The following SAMD12 variants were observed in gnomAD, a reference collection of about 807,000 sequenced individuals.
SAMD12 encodes the protein sterile alpha motif domain containing 12.
Under a neutral mutation model 15.0 loss-of-function variants are expected in SAMD12, and 9 were observed. The observed-to-expected ratio is 0.60, with a 90% CI of 0.36 to 1.05. The LOEUF is 1.05. Among genes scored for constraint, SAMD12 ranks in the 50% least tolerant of loss-of-function variants. SAMD12 has a pLI of 0.01. For synonymous variants in SAMD12, 86 were observed against 90.1 expected (o/e 0.96, Z 0.25); for missense variants, 230 against 234.2 (o/e 0.98, Z 0.12).
intron 2 of SAMD12, among the ~76,000 whole-genome samples, chr8:118,520,404 AC>A (rs1397723154): frequency 6.6e-6 from 1 of 152,176 alleles, no homozygotes; most frequent in Non-Finnish European, 1.5e-5. Context: ...CATAGCCATT[AC>A]TTCTGTCAGG....
chr8:118,587,654 T>C (rs1385151367), intron 1 of SAMD12, among the ~76,000 whole-genome samples: 2 of 152,204 alleles, frequency 1.3e-5, no homozygotes, highest in Non-Finnish European at 2.9e-5. Flanking sequence ...TATCTAGAAC[T>C]GCTACAGTAC....
At chr8:118,404,207 C>A (rs1211168289) in intron 3 of SAMD12, among the ~76,000 whole-genome samples, 2 of 152,150 alleles carry the variant, frequency 1.3e-5, no homozygotes, top group Non-Finnish European at 1.5e-5. Context: ...TGGTCTAGAA[C>A]TCCTGGGCTC....
chr8:118,620,186 T>C (rs1005596018), intron 1 of SAMD12, among the ~76,000 whole-genome samples: 1 of 152,058 alleles, frequency 6.6e-6, no homozygotes, highest in African/African-American at 2.4e-5. Context: ...TCGAGAACAG[T>C]GTGGACTAGC....
chr8:118,172,888 C>A, the SAMD12 span, among the ~76,000 whole-genome samples: 264 of 152,282 alleles, frequency 1.7e-3, no homozygotes, highest in African/African-American at 6.1e-3. Flanking sequence ...ACCATTTGAA[C>A]AACAACTCCC....
At chr8:118,215,464 G>GCTTT (rs767704538) in intron 4 of SAMD12, among the ~76,000 whole-genome samples, 87 of 101,854 alleles carry the variant, frequency 8.5e-4, no homozygotes, top group African/African-American at 1.8e-3. Flanking sequence ...GTCATTGAGT[G>GCTTT]CTTTTTTTTT....
intron 2 of SAMD12, among the ~76,000 whole-genome samples, chr8:118,445,684 T>C (rs896362917): frequency 2.0e-5 from 3 of 152,198 alleles, no homozygotes; most frequent in South Asian, 4.1e-4. Flanking sequence ...ATTAAATGCG[T>C]ATAGTGTTAT....
chr8:118,595,097 A>T (rs574984253), intron 1 of SAMD12, among the ~76,000 whole-genome samples: 1 of 152,266 alleles, frequency 6.6e-6, no homozygotes, highest in South Asian at 2.1e-4. Context: ...CACATATCCC[A>T]TATCCCTCAT....
At chr8:118,398,871 TG>T (rs1186727451) in intron 3 of SAMD12, among the ~76,000 whole-genome samples, 6 of 151,746 alleles carry the variant, frequency 4.0e-5, no homozygotes, top group Non-Finnish European at 8.8e-5. Context: ...TCCATAAAGC[TG>T]TTTTTTTTGT....
chr8:118,621,632 CGCCTACTG>C, intron 1 of SAMD12, 164 bp downstream of exon 1: 1 of 687,800 alleles, frequency 1.5e-6, no homozygotes, highest in Non-Finnish European at 2.6e-6. Flanking sequence ...TGAATTAAAG[CGCCTACTG>C]GCCTTGGCGG....
intron 4 of SAMD12, among the ~76,000 whole-genome samples, chr8:118,348,636 T>G (rs1321701094): frequency 6.6e-6 from 1 of 152,174 alleles, no homozygotes; most frequent in East Asian, 1.9e-4. Context: ...CCTCCTGAAG[T>G]GCTGGGATTA....
chr8:118,617,369 G>T (rs536080351), intron 1 of SAMD12, among the ~76,000 whole-genome samples: 20 of 152,304 alleles, frequency 1.3e-4, no homozygotes, highest in African/African-American at 4.6e-4. Context: ...TTGGTGATGT[G>T]TAGTTTCTTC....
intron 2 of SAMD12, among the ~76,000 whole-genome samples, chr8:118,517,422 T>C (rs973396663): frequency 1.3e-5 from 2 of 152,146 alleles, no homozygotes; most frequent in African/African-American, 4.8e-5. Flanking sequence ...CAGCTGGAGA[T>C]TGGTTTAAAG....
At chr8:118,520,772 T>G (rs1264844279) in intron 2 of SAMD12, among the ~76,000 whole-genome samples, 1 of 152,184 alleles carries the variant, frequency 6.6e-6, no homozygotes. Flanking sequence ...AATTTACTGT[T>G]TCCTATACAA....
At chr8:118,152,759 A>G in the SAMD12 span, among the ~76,000 whole-genome samples, 1 of 152,100 alleles carries the variant, frequency 6.6e-6, no homozygotes, top group African/African-American at 2.4e-5. Flanking sequence ...TCGGCCTCCC[A>G]CAGTGCTGGG....
chr8:118,291,757 C>T lies in SAMD12; in HGVS notation c.433+87803G>A, dbSNP rs546537816. Among the ~76,000 whole-genome samples, 53 of 151,626 alleles carry T rather than the reference C, an allele frequency of 3.5e-4. 1 individual carries two copies. The highest frequency in any genetic ancestry group is 1.1e-3 in the African/African-American group (47 of 41,450). ...ACCCATGTAAACTGTCATGTGTTTT[C>T]TCGGTTGAAGCCACAAGCTGCTTCC... On this transcript the variant is annotated intron_variant, in intron 4 of 4. Coordinates refer to the SAMD12 transcript ENST00000409003.
chr8:118,542,305 A>C (rs190498425), intron 2 of SAMD12, among the ~76,000 whole-genome samples: 11 of 152,330 alleles, frequency 7.2e-5, no homozygotes, highest in African/African-American at 2.4e-4. Flanking sequence ...CAATGAAAAA[A>C]TAGATACATC....
the SAMD12 span, among the ~76,000 whole-genome samples, chr8:118,168,050 T>C: frequency 6.6e-6 from 1 of 152,190 alleles, no homozygotes; most frequent in East Asian, 1.9e-4. Flanking sequence ...GCTATTCTCG[T>C]GATAGTGAAT....
Position 118,219,349 on chromosome 8 carries a change from C to T in SAMD12, c.434-21617G>A, listed in dbSNP as rs542851249. Among the ~76,000 whole-genome samples, 11 of 152,314 alleles carry T rather than the reference C, an allele frequency of 7.2e-5. No homozygotes were observed. In the South Asian group the frequency reaches 2.3e-3, roughly 32 times the overall value. ...AGCACAGAGCTATATCAACAATTAT[C>T]AAATGCTTGATAAATACCTTTTAAA... On this transcript the variant is annotated intron_variant, in intron 4 of 4. Transcript: ENST00000409003.
chr8:118,466,669 G>A (rs749569619), intron 2 of SAMD12, among the ~76,000 whole-genome samples: 9 of 152,150 alleles, frequency 5.9e-5, no homozygotes, highest in Non-Finnish European at 1.3e-4. Flanking sequence ...AAGCAGGTCT[G>A]TAACCGACCA....
Sources: allele counts gnomAD v4.1 joint callset (sites outside exome capture counted in the v4.1 genomes callset), GRCh38; gene constraint gnomAD v4.1.1; transcripts MANE v1.5; gene names NCBI Gene and HGNC (gene_info 2026-07-23, HGNC 2026-07-21).